Variants in TMEM117 observed in about 807,000 individuals in gnomAD.
The protein encoded by TMEM117 is transmembrane protein 117.
A neutral mutation model predicts 52.4 loss-of-function variants in TMEM117; 27 were observed. That is an observed-to-expected ratio of 0.51 (90% CI 0.38 to 0.71). The LOEUF (loss-of-function observed/expected upper bound fraction) is 0.71. Among genes scored for constraint, TMEM117 ranks in the 30% least tolerant of loss-of-function variants. The pLI is 0.00. For missense variants in TMEM117, 556 were observed against 630.5 expected (o/e 0.88, Z 1.26); for synonymous variants, 215 against 206.3 (o/e 1.04, Z -0.36).
chr12:44,276,978 T>G (rs2138583609), intron 5 of TMEM117, among the ~76,000 whole-genome samples: 1 of 151,728 alleles, frequency 6.6e-6, no homozygotes, highest in Non-Finnish European at 1.5e-5. Context: ...GTGGTTAAAT[T>G]TAGCTAAGAG....
chr12:44,157,423 C>A (rs1224860842), intron 4 of TMEM117, among the ~76,000 whole-genome samples: 1 of 152,086 alleles, frequency 6.6e-6, no homozygotes, highest in Non-Finnish European at 1.5e-5. Context: ...ATTAGAACAT[C>A]TTAAAATATC....
intron 5 of TMEM117, among the ~76,000 whole-genome samples, chr12:44,262,389 A>G (rs1053836595): frequency 2.6e-5 from 4 of 152,134 alleles, no homozygotes; most frequent in African/African-American, 7.2e-5. Flanking sequence ...AAACATGACC[A>G]AGGATCCTGT....
At position 44,161,187 on chromosome 12, in the gene TMEM117, T is replaced by A. The variant is rs189199646; in HGVS notation, c.510+17563T>A. Among the ~76,000 whole-genome samples the A allele has an allele frequency of 7.9e-5, 12 of 152,300 alleles. No homozygotes were observed. In the East Asian group the frequency reaches 1.9e-3, roughly 25 times the overall value. ...TAAACACAAATTAAACCCTGGAAGT[T>A]TGTGACTATAATTGTGTTTTGATGA... On this transcript the variant is annotated intron_variant, in intron 4 of 7. Transcript: ENST00000266534.
At chr12:43,885,494 A>G (rs947210112) in intron 2 of TMEM117, among the ~76,000 whole-genome samples, 1 of 148,658 alleles carries the variant, frequency 6.7e-6, no homozygotes, top group Non-Finnish European at 1.5e-5. Flanking sequence ...ATGTGAATTC[A>G]TTGTAAAACA....
chr12:44,083,389 G>GTTT (rs1160025038), intron 3 of TMEM117, among the ~76,000 whole-genome samples: 13 of 80,366 alleles, frequency 1.6e-4, no homozygotes, highest in African/African-American at 2.2e-4. Context: ...GGTATTGTTA[G>GTTT]TTTTTTTTTT....
At chr12:43,852,789 C>T (rs1157677512) in intron 2 of TMEM117, among the ~76,000 whole-genome samples, 2 of 152,172 alleles carry the variant, frequency 1.3e-5, no homozygotes, top group Admixed American at 1.3e-4. Flanking sequence ...CTATTATTTA[C>T]CTTCTCTCTT....
At chr12:44,136,516 A>C (rs1383998577) in intron 3 of TMEM117, among the ~76,000 whole-genome samples, 2 of 152,108 alleles carry the variant, frequency 1.3e-5, no homozygotes, top group African/African-American at 2.4e-5. Flanking sequence ...GACACACAAC[A>C]AATGTAGTTT....
At chr12:44,137,575 G>A (rs950959270) in intron 3 of TMEM117, among the ~76,000 whole-genome samples, 5 of 152,086 alleles carry the variant, frequency 3.3e-5, no homozygotes, top group Admixed American at 3.3e-4. Context: ...GAGGTTTAAT[G>A]GACTTACAGT....
chr12:44,276,829 T>C (rs1394052610), intron 5 of TMEM117, among the ~76,000 whole-genome samples: 1 of 152,166 alleles, frequency 6.6e-6, no homozygotes, highest in Non-Finnish European at 1.5e-5. Context: ...GTGTGAGCTA[T>C]GTCTATTAGC....
rs181039896 is a variant in TMEM117 at position 44,097,115 on chromosome 12, T to A, written c.411-46410T>A. Reference sequence around the variant, plus strand: ...TGCAGCCAAAAAACACATGAAAAAATGCTCATCATCACTGGCCATCAGAGA... The same window carrying A: ...TGCAGCCAAAAAACACATGAAAAAAAGCTCATCATCACTGGCCATCAGAGA... On this transcript the variant is annotated intron_variant, in intron 3 of 7. Transcript: ENST00000266534. Among the ~76,000 whole-genome samples, 1,293 of 152,158 alleles carry A rather than the reference T, an allele frequency of 8.5e-3. 13 individuals carry two copies. The highest frequency in any genetic ancestry group is 0.03 in the African/African-American group (1,229 of 41,490).
At chr12:44,330,044 C>T (rs1010875396) in intron 6 of TMEM117, among the ~76,000 whole-genome samples, 1 of 151,884 alleles carries the variant, frequency 6.6e-6, no homozygotes, top group Non-Finnish European at 1.5e-5. Flanking sequence ...AAGTAGAATT[C>T]CTGGATCATC....
At chr12:44,158,210 C>G (rs1386675675) in intron 4 of TMEM117, among the ~76,000 whole-genome samples, 1 of 152,128 alleles carries the variant, frequency 6.6e-6, no homozygotes, top group African/African-American at 2.4e-5. Flanking sequence ...CAGGACCTCT[C>G]CTCTGCGTTA....
At chr12:44,374,471 C>A (rs533790438) in intron 6 of TMEM117, among the ~76,000 whole-genome samples, 49 of 152,088 alleles carry the variant, frequency 3.2e-4, no homozygotes, top group Non-Finnish European at 2.1e-4. Flanking sequence ...CTTCTCTGAG[C>A]CCTTTCTTTA....
intron 3 of TMEM117, among the ~76,000 whole-genome samples, chr12:44,090,943 T>C (rs1257314477): frequency 6.6e-6 from 1 of 150,800 alleles, no homozygotes; most frequent in African/African-American, 2.5e-5. Context: ...TGTTAAGGTA[T>C]ACAAAGATAC....
intron 2 of TMEM117, among the ~76,000 whole-genome samples, chr12:43,878,512 A>C (rs1050359488): frequency 1.3e-5 from 2 of 152,344 alleles, no homozygotes; most frequent in South Asian, 4.1e-4. Flanking sequence ...ATACTTTTCT[A>C]TTGATAAGAG....
chr12:43,895,016 C>T (rs1466033940), intron 2 of TMEM117, among the ~76,000 whole-genome samples: 2 of 151,964 alleles, frequency 1.3e-5, no homozygotes, highest in East Asian at 3.9e-4. Flanking sequence ...ATTTTAAGTT[C>T]AGGGCTATAA....
chr12:43,881,831 A>G (rs1943901717), intron 2 of TMEM117, among the ~76,000 whole-genome samples: 1 of 147,180 alleles, frequency 6.8e-6, no homozygotes, highest in African/African-American at 2.5e-5. Flanking sequence ...ACAGTGGCTC[A>G]TGCCTGTAAT....
At chr12:44,192,046 G>A (rs766492641) in intron 4 of TMEM117, among the ~76,000 whole-genome samples, 2 of 152,084 alleles carry the variant, frequency 1.3e-5, no homozygotes, top group Non-Finnish European at 2.9e-5. Context: ...TATAAGGGTA[G>A]GATTGGTACT....
intron 3 of TMEM117, among the ~76,000 whole-genome samples, chr12:44,127,370 C>A (rs1182811881): frequency 6.6e-6 from 1 of 151,868 alleles, no homozygotes; most frequent in Non-Finnish European, 1.5e-5. Context: ...ATATAGTTGA[C>A]ATCTCCAATA....
Sources: allele counts gnomAD v4.1 joint callset (sites outside exome capture counted in the v4.1 genomes callset), GRCh38; gene constraint gnomAD v4.1.1; transcripts MANE v1.5; gene names NCBI Gene and HGNC (gene_info 2026-07-23, HGNC 2026-07-21).